The following GRIA1 variants were observed in gnomAD, a reference collection of about 807,000 sequenced individuals.
GRIA1 encodes the protein glutamate receptor 1.
GRIA1 carries 31 observed loss-of-function variants against 99.2 expected under a neutral mutation model. The ratio of observed to expected loss-of-function variants is 0.31; its 90% CI spans 0.23 to 0.42. The LOEUF is 0.42. Ranked by LOEUF, GRIA1 falls within the 10% of genes least tolerant of loss-of-function variation. The probability of loss-of-function intolerance (pLI) is 1.00; values close to 1 mark genes in which losing one functional copy is unlikely to be tolerated. For missense variants in GRIA1, 782 were observed against 1,157.5 expected, an observed-to-expected ratio of 0.68 and a Z score of 4.71; for synonymous variants, 438 against 432.4, an observed-to-expected ratio of 1.01 and a Z score of -0.16.
At chr5:153,496,362 C>A (rs1754424956) in intron 2 of GRIA1, among the ~76,000 whole-genome samples, 1 of 152,126 alleles carries the variant, frequency 6.6e-6, no homozygotes, top group Admixed American at 6.5e-5. Flanking sequence ...TCAGTTAATT[C>A]TTTAAGTGTT....
At chr5:153,770,458 C>G (rs774433597) in intron 13 of GRIA1, 43 bp downstream of exon 13, 1 of 1,579,670 alleles carries the variant, frequency 6.3e-7, no homozygotes, top group African/African-American at 1.3e-5. Context: ...CCTCTCCCCT[C>G]CCTATCTCAG....
At chr5:153,610,202 G>A (rs1765860136) in intron 2 of GRIA1, among the ~76,000 whole-genome samples, 1 of 152,214 alleles carries the variant, frequency 6.6e-6, no homozygotes, top group Admixed American at 6.5e-5. Flanking sequence ...CTTACAAACA[G>A]ATAGTGTGTA....
At chr5:153,587,274 T>C (rs1581273373) in intron 2 of GRIA1, among the ~76,000 whole-genome samples, 1 of 152,040 alleles carries the variant, frequency 6.6e-6, no homozygotes, top group African/African-American at 2.4e-5. Context: ...CCTCTCTCAC[T>C]CTTGTTTTTG....
In GRIA1 at chr5:153,618,426, G is replaced by C. The variant is rs113893336; in HGVS notation, c.221-28502G>C. ...GCAAAGCTATATAAATGTGTGTTGAGTGATTTAACAGGTCTGGCTATTGAA... is the reference window on the plus strand; with the variant it reads ...GCAAAGCTATATAAATGTGTGTTGACTGATTTAACAGGTCTGGCTATTGAA... On this transcript the variant is annotated intron_variant, in intron 2 of 15. Coordinates refer to ENST00000285900, the MANE Select transcript of GRIA1 (RefSeq NM_000827.4). Among the ~76,000 whole-genome samples, 531 of 152,308 alleles carry C rather than the reference G, an allele frequency of 3.5e-3. 6 individuals are homozygous for C. Among genetic ancestry groups the C allele is most frequent in the African/African-American group, 0.012 (487 of 41,562 alleles).
intron 14 of GRIA1, among the ~76,000 whole-genome samples, chr5:153,795,224 T>C (rs1376462805): frequency 6.6e-6 from 1 of 152,058 alleles, no homozygotes; most frequent in Non-Finnish European, 1.5e-5. Flanking sequence ...TCTTCAGCAG[T>C]AGATGGTAGA....
chr5:153,731,399 C>T (rs1168277514), intron 11 of GRIA1, among the ~76,000 whole-genome samples: 1 of 151,990 alleles, frequency 6.6e-6, no homozygotes, highest in Non-Finnish European at 1.5e-5. Context: ...AATTCAGCTC[C>T]AATTTCACTT....
intron 2 of GRIA1, among the ~76,000 whole-genome samples, chr5:153,562,638 G>A (rs1761232864): frequency 6.6e-6 from 1 of 152,206 alleles, no homozygotes; most frequent in South Asian, 2.1e-4. Context: ...GGCAAAGACT[G>A]TTTGTGATGC....
chr5:153,656,602 G>C (rs1422899), intron 5 of GRIA1, among the ~76,000 whole-genome samples: 61,550 of 151,368 alleles, frequency 0.41, 13,186 homozygotes, highest in Non-Finnish European at 0.45. Context: ...TGTACCTCCA[G>C]CTTTTTTGTC....
At position 153,801,659 on chromosome 5, in the gene GRIA1, G is replaced by A. The variant is rs939634182; in HGVS notation, c.2386-697G>A. On this transcript the variant is annotated intron_variant, in intron 14 of 15. Transcript: ENST00000285900. ...TAGCAAGCACCTCCAACAGAAAAAT[G>A]ATATCAATTAAGCATAATTATTAAG... Among the ~76,000 whole-genome samples, 3 of 152,246 alleles carry A rather than the reference G, an allele frequency of 2.0e-5. No homozygotes were observed. The East Asian group carries it at 5.8e-4, about 29-fold the overall frequency.
chr5:153,530,793 G>C (rs1490723973), intron 2 of GRIA1, among the ~76,000 whole-genome samples: 2 of 152,202 alleles, frequency 1.3e-5, no homozygotes, highest in African/African-American at 4.8e-5. Flanking sequence ...TGAAGGATAT[G>C]TCTGGACTTG....
chr5:153,797,561 G>A (rs942639582), intron 14 of GRIA1, among the ~76,000 whole-genome samples: 1 of 152,110 alleles, frequency 6.6e-6, no homozygotes, highest in African/African-American at 2.4e-5. Context: ...CTTTCTGTGG[G>A]GACACCCATG....
chr5:153,650,497 A>G lies in GRIA1; in HGVS notation c.628A>G (p.Asn210Asp), dbSNP rs759723813. ...VVVDCESERLNAILGQIIKLE... is the reference protein window; with the variant it reads ...VVVDCESERLDAILGQIIKLE... Reference sequence around the variant, plus strand: ...GGTGGACTGTGAATCAGAACGCCTCAATGCTATCTTGGGCCAGGTAGTGAA... The same window carrying G: ...GGTGGACTGTGAATCAGAACGCCTCGATGCTATCTTGGGCCAGGTAGTGAA... Residue 210 changes from asparagine (N) to aspartate (D), a missense_variant, in exon 4 of 16, where the codon AAT (asparagine) becomes GAT (aspartate). Coordinates refer to ENST00000285900, the MANE Select transcript of GRIA1 (RefSeq NM_000827.4). 6.2e-7 allele frequency: 1 copy of G among 1,613,770 alleles called. No homozygotes were observed. Among genetic ancestry groups the G allele is most frequent in the South Asian group, 1.1e-5 (1 of 91,060 alleles).
Position 153,490,797 on chromosome 5 carries a change from G to A in GRIA1, c.-92G>A. The A allele has an allele frequency of 1.1e-6, 1 of 932,884 alleles. No individual in the cohort carries two copies. 57.8% of individuals were successfully genotyped at this position (932,884 alleles called of 1,614,324 possible). ...AAGGAACTGCAGGAGGAAAAGAACA[G>A]GCAGAACAGCGAGAAGAATAAAGGG... is the stretch of plus-strand genomic sequence containing the variant. On this transcript the variant is annotated 5_prime_UTR_variant, in exon 1 of 16. Coordinates refer to ENST00000285900, the MANE Select transcript of GRIA1 (RefSeq NM_000827.4).
intron 11 of GRIA1, among the ~76,000 whole-genome samples, chr5:153,753,876 C>G (rs1002168011): frequency 2.6e-5 from 4 of 152,166 alleles, no homozygotes; most frequent in Non-Finnish European, 4.4e-5. Context: ...GGAGGATAAT[C>G]ATCATCATAA....
intron 2 of GRIA1, among the ~76,000 whole-genome samples, chr5:153,500,487 T>A (rs750172559): frequency 9.2e-5 from 14 of 151,960 alleles, no homozygotes. Context: ...TTGAGAAAAA[T>A]AAAATGCATT....
chr5:153,685,974 G>T (rs1757312250), intron 7 of GRIA1, among the ~76,000 whole-genome samples: 1 of 152,190 alleles, frequency 6.6e-6, no homozygotes, highest in Non-Finnish European at 1.5e-5. Flanking sequence ...TATGCACTCT[G>T]ACCCATTGTT....
intron 2 of GRIA1, among the ~76,000 whole-genome samples, chr5:153,636,782 A>G (rs1157452366): frequency 1.3e-5 from 2 of 152,214 alleles, no homozygotes; most frequent in East Asian, 3.8e-4. Flanking sequence ...TAAATGAGTA[A>G]TTCATGTAAG....
intron 2 of GRIA1, among the ~76,000 whole-genome samples, chr5:153,642,834 C>T (rs200277250): frequency 6.6e-6 from 1 of 152,284 alleles, no homozygotes; most frequent in East Asian, 1.9e-4. Context: ...ATGTAGTCTC[C>T]ATCTCTGGCT....
intron 7 of GRIA1, among the ~76,000 whole-genome samples, chr5:153,681,387 C>T (rs746379617): frequency 2.6e-5 from 4 of 152,288 alleles, no homozygotes; most frequent in Admixed American, 6.5e-5. Context: ...AACTATATCA[C>T]GTCCCAGGCA....
Sources: allele counts gnomAD v4.1 joint callset (sites outside exome capture counted in the v4.1 genomes callset), GRCh38; gene constraint gnomAD v4.1.1; transcripts MANE v1.5; gene names NCBI Gene and HGNC (gene_info 2026-07-23, HGNC 2026-07-21).